The following PPP2R3A variants were observed in gnomAD, a reference collection of about 807,000 sequenced individuals.
The protein encoded by PPP2R3A is serine/threonine-protein phosphatase 2A regulatory subunit B'' subunit alpha.
In PPP2R3A, 80 loss-of-function variants were observed where a neutral mutation model predicts 106.9. That is an observed-to-expected ratio of 0.75 (90% CI 0.62 to 0.90). The LOEUF (loss-of-function observed/expected upper bound fraction) is 0.90, where lower values mean the gene tolerates loss of function less well. PPP2R3A is among the 40% of genes least tolerant of loss of function. The probability of loss-of-function intolerance (pLI) is 0.00; values close to 1 mark genes in which losing one functional copy is unlikely to be tolerated. For missense variants in PPP2R3A, 1,386 were observed against 1,350.4 expected (o/e 1.03, Z -0.41); for synonymous variants, 483 against 468.3 (o/e 1.03, Z -0.41).
At chr3:135,999,178 T>C (rs1933518729) in intron 1 of PPP2R3A, among the ~76,000 whole-genome samples, 1 of 152,184 alleles carries the variant, frequency 6.6e-6, no homozygotes, top group South Asian at 2.1e-4. Flanking sequence ...AGCAATAATA[T>C]TTATTGTGCA....
At chr3:136,045,016 C>T (rs1935424428) in intron 4 of PPP2R3A, among the ~76,000 whole-genome samples, 1 of 152,154 alleles carries the variant, frequency 6.6e-6, no homozygotes, top group Non-Finnish European at 1.5e-5. Flanking sequence ...ACCTATCCCC[C>T]AAGGCTCTCC....
chr3:136,040,827 T>G (rs202157602), intron 3 of PPP2R3A, 32 bp from the exon 4 acceptor site: 1 of 1,559,714 alleles, frequency 6.4e-7, no homozygotes. Flanking sequence ...CATTCCCTGT[T>G]GGCTTACCCT....
chr3:136,092,489 A>AT (rs1240850805), intron 10 of PPP2R3A, among the ~76,000 whole-genome samples: 1 of 151,906 alleles, frequency 6.6e-6, no homozygotes, highest in Non-Finnish European at 1.5e-5. Flanking sequence ...GATGGTTTTT[A>AT]TTTTTTTTCC....
intron 10 of PPP2R3A, among the ~76,000 whole-genome samples, chr3:136,098,155 GT>G (rs1403240331): frequency 6.6e-6 from 1 of 152,118 alleles, no homozygotes; most frequent in African/African-American, 2.4e-5. Context: ...TCTACAAAAA[GT>G]TTTTAAAAAA....
At chr3:136,041,241 TTTTTTTTTGTTTTTTTTTTTG>T (rs1935263835) in intron 4 of PPP2R3A, among the ~76,000 whole-genome samples, 1 of 66,212 alleles carries the variant, frequency 1.5e-5, no homozygotes, top group South Asian at 5.0e-4. Context: ...TTTTCTTGTT[TTTTTTTTTGTTTTTTTTTTTG>T]TTTTTTTTTT....
At chr3:136,037,971 ATTCACAC>A (rs1305832302) in intron 3 of PPP2R3A, among the ~76,000 whole-genome samples, 1 of 152,026 alleles carries the variant, frequency 6.6e-6, no homozygotes, top group East Asian at 1.9e-4. Context: ...AAATGTCAGT[ATTCACAC>A]TTCACACTTC....
chr3:136,143,959 G>C (rs1938990476), intron 13 of PPP2R3A, among the ~76,000 whole-genome samples: 1 of 152,332 alleles, frequency 6.6e-6, no homozygotes, highest in Non-Finnish European at 1.5e-5. Context: ...ATCCCTGCAA[G>C]GGCTAAGCCA....
intron 1 of PPP2R3A, among the ~76,000 whole-genome samples, chr3:135,981,908 T>A (rs535532937): frequency 3.3e-5 from 5 of 151,822 alleles, no homozygotes; most frequent in African/African-American, 1.2e-4. Flanking sequence ...GTTTAGACTT[T>A]GTTCAAAATG....
intron 13 of PPP2R3A, among the ~76,000 whole-genome samples, chr3:136,143,121 A>G (rs1938943426): frequency 1.3e-5 from 2 of 152,234 alleles, no homozygotes; most frequent in South Asian, 4.1e-4. Flanking sequence ...AGTATCATAA[A>G]CTGGTAGTCA....
At chr3:136,142,714 T>C (rs1938925866) in intron 13 of PPP2R3A, among the ~76,000 whole-genome samples, 2 of 152,360 alleles carry the variant, frequency 1.3e-5, no homozygotes, top group Admixed American at 6.5e-5. Flanking sequence ...TTCATCATTA[T>C]AATCCTAGCA....
intron 1 of PPP2R3A, among the ~76,000 whole-genome samples, chr3:135,977,942 C>G (rs1234689353): frequency 6.6e-6 from 1 of 151,856 alleles, no homozygotes; most frequent in Non-Finnish European, 1.5e-5. Flanking sequence ...TAAAAGCTAT[C>G]CGCCTGCCTC....
At chr3:136,047,490 T>C (rs191221225) in intron 4 of PPP2R3A, among the ~76,000 whole-genome samples, 4 of 152,346 alleles carry the variant, frequency 2.6e-5, no homozygotes, top group Admixed American at 2.0e-4. Context: ...TTGTTCTTTG[T>C]AGCAACATGG....
At chr3:135,981,862 T>G (rs1937543218) in intron 1 of PPP2R3A, among the ~76,000 whole-genome samples, 1 of 151,734 alleles carries the variant, frequency 6.6e-6, no homozygotes, top group Non-Finnish European at 1.5e-5. Flanking sequence ...AGGGAGGTGG[T>G]TAGCAGACTG....
rs180862103 is a variant in PPP2R3A, at chr3:136,067,429, G to A, written c.2470-3049G>A. The stretch of plus-strand genomic sequence containing the variant: ...AAGTGAGTCTTAGGATTGAGAGAGC[G>A]TACCACCTTGAGAAAGTTTTCTAGT... On this transcript the variant is annotated intron_variant, in intron 5 of 13. Coordinates refer to ENST00000264977, the MANE Select transcript of PPP2R3A (RefSeq NM_002718.5). Among the ~76,000 whole-genome samples, 25 of 152,276 alleles carry A rather than the reference G, an allele frequency of 1.6e-4. No homozygotes were observed. The East Asian group carries it at 1.9e-3, about 12-fold the overall frequency.
intron 4 of PPP2R3A, among the ~76,000 whole-genome samples, chr3:136,048,281 T>C (rs1402185008): frequency 1.3e-5 from 2 of 152,076 alleles, no homozygotes; most frequent in African/African-American, 4.8e-5. Flanking sequence ...TGAGAAGGCA[T>C]GGAACATTTG....
chr3:136,002,286 G>C lies in PPP2R3A; in HGVS notation c.788G>C (p.Ser263Thr). The change falls in exon 2 of 14, where the codon AGT becomes ACT. Residue 263 changes from serine to threonine, a missense_variant. Transcript: ENST00000264977. ...CIKKKSGSSI[S>T]EGSGNDTISS... ...AAGAAAAAATCAGGGAGTAGCATCAGTGAAGGAAGTGGTAATGATACAATT... is the reference window on the plus strand; with the variant it reads ...AAGAAAAAATCAGGGAGTAGCATCACTGAAGGAAGTGGTAATGATACAATT... The C allele has an allele frequency of 6.2e-7, 1 of 1,613,878 alleles. No homozygotes were observed. Among genetic ancestry groups the C allele is most frequent in the Non-Finnish European group, 8.5e-7 (1 of 1,179,864 alleles).
In PPP2R3A at chr3:136,147,832, G is replaced by A. The variant is rs1047508680; in HGVS notation, c.*2666G>A. 9.8e-5 allele frequency: 15 copies of A among 152,288 alleles called. No homozygotes were observed. The highest frequency in any genetic ancestry group is 3.1e-4 in the African/African-American group (13 of 41,552). 9.4% of individuals were successfully genotyped at this position (152,288 alleles called of 1,614,324 possible). A position where few individuals can be genotyped will look rare whatever the true frequency, so the allele number is the denominator to read the frequency against. On this transcript the variant is annotated 3_prime_UTR_variant, in exon 14 of 14. Coordinates refer to ENST00000264977, the MANE Select transcript of PPP2R3A (RefSeq NM_002718.5). Reference sequence around the variant, plus strand: ...TTTTTGAAATGTTAAGATGTGTTTGGAGAAGGCTGCATGACTTTGTTTTTC... The same window carrying A: ...TTTTTGAAATGTTAAGATGTGTTTGAAGAAGGCTGCATGACTTTGTTTTTC...
At chr3:136,023,697 A>G (rs1934546949) in intron 2 of PPP2R3A, among the ~76,000 whole-genome samples, 1 of 152,112 alleles carries the variant, frequency 6.6e-6, no homozygotes, top group Non-Finnish European at 1.5e-5. Context: ...GTATTTGTCT[A>G]TATAGACAAT....
intron 8 of PPP2R3A, among the ~76,000 whole-genome samples, chr3:136,086,798 A>T (rs544941722): frequency 1.3e-5 from 2 of 152,284 alleles, no homozygotes; most frequent in African/African-American, 4.8e-5. Context: ...CCTTTATGCT[A>T]ACTGTACCTA....
Sources: gnomAD v4.1 joint callset for allele counts (sites outside exome capture counted in the v4.1 genomes callset) on GRCh38, gnomAD v4.1.1 for gene constraint, MANE v1.5 for transcripts, NCBI Gene and HGNC (gene_info 2026-07-23, HGNC 2026-07-21) for gene names.